The following SHOC1 variants were observed in gnomAD, a reference collection of about 807,000 sequenced individuals.
The protein encoded by SHOC1 is protein shortage in chiasmata 1 ortholog.
SHOC1 carries 136 observed loss-of-function variants against 179.2 expected under a neutral mutation model. That is an observed-to-expected ratio of 0.76 (90% confidence interval 0.66 to 0.87). SHOC1 has a LOEUF of 0.87. Ranked by LOEUF, SHOC1 falls within the 40% of genes least tolerant of loss-of-function variation. SHOC1 has a pLI of 0.00. For missense variants in SHOC1, 1,538 were observed against 1,700.8 expected, an observed-to-expected ratio of 0.90 and a Z score of 1.68; for synonymous variants, 489 against 586.6, an observed-to-expected ratio of 0.83 and a Z score of 2.41.
intron 21 of SHOC1, among the ~76,000 whole-genome samples, chr9:111,704,971 A>T (rs1263897213): frequency 6.6e-6 from 1 of 152,176 alleles, no homozygotes; most frequent in African/African-American, 2.4e-5. Flanking sequence ...AACAAAAATT[A>T]AATATTATTT....
intron 17 of SHOC1, among the ~76,000 whole-genome samples, chr9:111,713,646 C>G (rs147239738): frequency 6.6e-6 from 1 of 152,004 alleles, no homozygotes; most frequent in Non-Finnish European, 1.5e-5. Flanking sequence ...TATAAAGTTG[C>G]GGTTAAGAAA....
chr9:111,788,623 GA>G (rs1332602504), intron 2 of SHOC1, among the ~76,000 whole-genome samples: 12 of 152,100 alleles, frequency 7.9e-5, no homozygotes, highest in African/African-American at 2.7e-4. Context: ...GTAAGTACTT[GA>G]CAAAAAACGG....
chr9:111,718,648 G>A (rs1362577214), intron 15 of SHOC1, among the ~76,000 whole-genome samples: 3 of 152,100 alleles, frequency 2.0e-5, no homozygotes, highest in Non-Finnish European at 4.4e-5. Context: ...AAGAGTCAAC[G>A]CTTCCCAGTT....
In SHOC1 at chr9:111,706,621, A is replaced by G. The variant is rs1050444045; in HGVS notation, c.2684T>C (p.Leu895Ser). Residue 895 changes from leucine (L) to serine (S), a missense_variant, in exon 20 of 28, where the codon TTG becomes TCG. Leu to Ser is a moderately radical substitution (Grantham distance 145). Transcript: ENST00000682961. ...TTTAAAGGCCATGTAAGGAATATTC[A>G]ACTCTTTGCAGTGTTTAGTCCAACA... is the stretch of plus-strand genomic sequence containing the variant. ...DSCWTKHCKE[L>S]NIPYMAFKVI... 1 of 1,603,966 alleles carries G rather than the reference A, an allele frequency of 6.2e-7. No individual in the cohort carries two copies. The highest frequency in any genetic ancestry group is 2.3e-5 in the East Asian group (1 of 44,212).
intron 27 of SHOC1, among the ~76,000 whole-genome samples, chr9:111,689,267 T>A (rs1458080193): frequency 6.6e-6 from 1 of 150,794 alleles, no homozygotes; most frequent in Non-Finnish European, 1.5e-5. Context: ...GTACCTTTCG[T>A]CCCAGCTACT....
intron 10 of SHOC1, among the ~76,000 whole-genome samples, chr9:111,744,771 G>C (rs1304519729): frequency 6.6e-6 from 1 of 152,124 alleles, no homozygotes; most frequent in Non-Finnish European, 1.5e-5. Flanking sequence ...TTTAACTGGC[G>C]TAAGAAGCAG....
At chr9:111,737,101 C>T (rs1833842101) in intron 12 of SHOC1, among the ~76,000 whole-genome samples, 1 of 152,138 alleles carries the variant, frequency 6.6e-6, no homozygotes, top group Non-Finnish European at 1.5e-5. Flanking sequence ...AATACTTATA[C>T]ACTCTGGGTG....
At chr9:111,793,996 C>G (rs1311078403) in intron 1 of SHOC1, among the ~76,000 whole-genome samples, 2 of 151,954 alleles carry the variant, frequency 1.3e-5, no homozygotes, top group African/African-American at 4.8e-5. Context: ...GGATTACAGG[C>G]GGGTGCCACC....
intron 3 of SHOC1, among the ~76,000 whole-genome samples, chr9:111,784,739 G>A (rs770230132): frequency 3.3e-5 from 5 of 152,160 alleles, no homozygotes; most frequent in Admixed American, 1.3e-4. Flanking sequence ...GGAGGTCCAA[G>A]ATTAAGGCAC....
At chr9:111,730,206 C>A (rs534271307) in intron 12 of SHOC1, among the ~76,000 whole-genome samples, 30 of 152,272 alleles carry the variant, frequency 2.0e-4, no homozygotes, top group Admixed American at 1.9e-3. Flanking sequence ...CCTTCAAAAT[C>A]ATCCATGAAG....
At chr9:111,741,277 C>T (rs533434356) in intron 11 of SHOC1, among the ~76,000 whole-genome samples, 199 bp downstream of exon 11, 2 of 152,156 alleles carry the variant, frequency 1.3e-5, no homozygotes, top group East Asian at 1.9e-4. Context: ...CCCAGAAAAT[C>T]AGCAAGATCC....
At chr9:111,766,977 C>G (rs909805550) in intron 5 of SHOC1, among the ~76,000 whole-genome samples, 9 of 151,954 alleles carry the variant, frequency 5.9e-5, no homozygotes, top group Non-Finnish European at 1.2e-4. Context: ...TTTCATAAAT[C>G]TGTTGGCCAT....
chr9:111,724,231 G>C (rs769070073), intron 13 of SHOC1, among the ~76,000 whole-genome samples: 1 of 152,138 alleles, frequency 6.6e-6, no homozygotes, highest in African/African-American at 2.4e-5. Context: ...AGTATGTACC[G>C]TTCTACTTAA....
At chr9:111,750,318 G>A (rs1834518815) in intron 8 of SHOC1, among the ~76,000 whole-genome samples, 3 of 151,698 alleles carry the variant, frequency 2.0e-5, no homozygotes, top group East Asian at 1.9e-4. Flanking sequence ...TTTGTTGGCT[G>A]CATGTACGTC....
In SHOC1 at chr9:111,770,202, T is replaced by C. The variant is rs559014713; in HGVS notation, c.442+5589A>G. On this transcript the variant is annotated intron_variant, in intron 5 of 27. Coordinates refer to ENST00000682961, the MANE Select transcript of SHOC1 (RefSeq NM_001378211.1). ...GGTACTGGGCTCTTGCCATACCCCA[T>C]AGATTTTGGTATGTTTTATTTCCAT... Among the ~76,000 whole-genome samples, 4 of 152,198 alleles carry C rather than the reference T, an allele frequency of 2.6e-5. No individual in the cohort carries two copies. The South Asian group carries it at 6.2e-4, about 24-fold the overall frequency.
At chr9:111,748,013 T>G in intron 9 of SHOC1, 79 bp downstream of exon 9, 1 of 898,764 alleles carries the variant, frequency 1.1e-6, no homozygotes, top group East Asian at 2.4e-5. Flanking sequence ...CACAGTACAC[T>G]GTATATGTGA....
In SHOC1 at chr9:111,775,884, C is replaced by T; in HGVS notation, c.349G>A (p.Glu117Lys). The T allele has an allele frequency of 3.7e-6, 6 of 1,613,666 alleles. No individual in the cohort carries two copies. Among genetic ancestry groups the T allele is most frequent in the Non-Finnish European group, 5.1e-6 (6 of 1,179,716 alleles). ...SNPDSQIEVEEVSLYTHMDYN... is the reference protein window; with the variant it reads ...SNPDSQIEVEKVSLYTHMDYN... ...TCCATGTGGGTGTATAAACTGACCT[C>T]CTCTACTTCAATTTGGGAGTCTGGA... is the stretch of plus-strand genomic sequence containing the variant. The change falls in exon 5 of 28, where the codon GAG (glutamate) becomes AAG (lysine). Residue 117 changes from glutamate to lysine, a missense_variant. By Grantham distance (56) the Glu-to-Lys change is moderately conservative. Transcript: ENST00000682961.
At chr9:111,714,399 TCTTA>T (rs776811580) in intron 17 of SHOC1, 42 bp downstream of exon 17, 2 of 1,590,920 alleles carry the variant, frequency 1.3e-6, no homozygotes, top group Non-Finnish European at 1.7e-6. Context: ...TACATCCAAT[TCTTA>T]CTTAAACTGA....
At chr9:111,781,173 C>A in intron 3 of SHOC1, 156 bp from the exon 4 acceptor site, 1 of 609,778 alleles carries the variant, frequency 1.6e-6, no homozygotes, top group South Asian at 2.1e-5. Flanking sequence ...TTTGAATAGT[C>A]ATCCTCATTA....
Sources: gnomAD v4.1 joint callset for allele counts (sites outside exome capture counted in the v4.1 genomes callset) on GRCh38, gnomAD v4.1.1 for gene constraint, MANE v1.5 for transcripts, NCBI Gene and HGNC (gene_info 2026-07-23, HGNC 2026-07-21) for gene names.